The following COL19A1 variants were observed in gnomAD, a reference collection of about 807,000 sequenced individuals.
The protein encoded by COL19A1 is collagen type XIX alpha 1 chain.
A neutral mutation model predicts 190.2 loss-of-function variants in COL19A1; 159 were observed. The observed-to-expected ratio is 0.84, with a 90% CI of 0.73 to 0.95. The LOEUF (loss-of-function observed/expected upper bound fraction) is 0.95. COL19A1 is among the 40% of genes least tolerant of loss of function. The pLI is 0.00. For missense variants in COL19A1, 1,418 were observed against 1,431.9 expected, an observed-to-expected ratio of 0.99 and a Z score of 0.16; for synonymous variants, 509 against 458.9, an observed-to-expected ratio of 1.11 and a Z score of -1.39.
At chr6:70,059,831 A>G (rs1212385651) in intron 14 of COL19A1, 1 of 511,084 alleles carries the variant, frequency 2.0e-6, no homozygotes, top group African/African-American at 2.0e-5. Context: ...AATTTTAGAA[A>G]TAACTCAATT....
intron 18 of COL19A1, among the ~76,000 whole-genome samples, chr6:70,130,605 T>A (rs1482580421): frequency 6.6e-6 from 1 of 152,230 alleles, no homozygotes; most frequent in Non-Finnish European, 1.5e-5. Flanking sequence ...GGCAGCCCCC[T>A]GGCAGCAGTT....
intron 14 of COL19A1, among the ~76,000 whole-genome samples, chr6:70,059,104 T>C (rs1282130012): frequency 6.6e-6 from 1 of 152,064 alleles, no homozygotes; most frequent in African/African-American, 2.4e-5. Context: ...GAAAATCCCC[T>C]AGTAGTAGTT....
intron 4 of COL19A1, among the ~76,000 whole-genome samples, chr6:69,918,386 A>G (rs1771450936): frequency 6.6e-6 from 1 of 152,140 alleles, no homozygotes; most frequent in Non-Finnish European, 1.5e-5. Context: ...GCCAGAGTCA[A>G]GATCTGTTTT....
At chr6:69,927,507 G>C (rs1772476418) in intron 4 of COL19A1, among the ~76,000 whole-genome samples, 1 of 152,076 alleles carries the variant, frequency 6.6e-6, no homozygotes, top group South Asian at 2.1e-4. Flanking sequence ...ATATGAAAAA[G>C]TTTCTTTGGA....
At chr6:70,147,395 ACAGAG>A (rs1247607214) in intron 27 of COL19A1, among the ~76,000 whole-genome samples, 4 of 152,174 alleles carry the variant, frequency 2.6e-5, no homozygotes, top group African/African-American at 9.7e-5. Context: ...AACTATAAGG[ACAGAG>A]CCTAGAACAG....
Position 70,083,300 on chromosome 6 carries a change from A to T in COL19A1, c.1224+14824A>T, listed in dbSNP as rs561713358. ...GCCATAGGGAATCTTTATGTGCCTT[A>T]TACACACTTTAAATAAAGTGTACAG... On this transcript the variant is annotated intron_variant, in intron 15 of 50. Transcript: ENST00000620364. Among the ~76,000 whole-genome samples the T allele has an allele frequency of 9.8e-5, 15 of 152,336 alleles. No individual in the cohort carries two copies. The East Asian group carries it at 2.9e-3, about 29-fold the overall frequency.
At chr6:70,055,589 C>G (rs1466477886) in intron 14 of COL19A1, among the ~76,000 whole-genome samples, 2 of 151,812 alleles carry the variant, frequency 1.3e-5, no homozygotes, top group African/African-American at 4.8e-5. Context: ...CAGGACCAAC[C>G]TGGCCAACAT....
At chr6:69,870,089 A>G (rs1035811438) in intron 1 of COL19A1, among the ~76,000 whole-genome samples, 2 of 152,144 alleles carry the variant, frequency 1.3e-5, no homozygotes, top group Non-Finnish European at 2.9e-5. Context: ...CTTTATGCCC[A>G]TCATTCTACA....
intron 11 of COL19A1, among the ~76,000 whole-genome samples, chr6:69,996,483 G>T (rs955428787): frequency 3.9e-5 from 6 of 152,104 alleles, no homozygotes; most frequent in Admixed American, 1.3e-4. Flanking sequence ...AAGATGGTAA[G>T]CTACAGGTAT....
At chr6:70,183,038 G>A (rs773305145) in intron 44 of COL19A1, among the ~76,000 whole-genome samples, 6 of 152,102 alleles carry the variant, frequency 3.9e-5, no homozygotes, top group Admixed American at 6.5e-5. Flanking sequence ...GGTTGTCCAA[G>A]TGTGAGGAGT....
At chr6:70,154,421 G>A (rs562579235) in intron 31 of COL19A1, among the ~76,000 whole-genome samples, 12 of 152,062 alleles carry the variant, frequency 7.9e-5, no homozygotes, top group South Asian at 2.1e-4. Flanking sequence ...ATAAACATAC[G>A]TGTGCATGTG....
intron 14 of COL19A1, among the ~76,000 whole-genome samples, chr6:70,038,199 A>G (rs904686834): frequency 1.1e-4 from 17 of 152,244 alleles, no homozygotes; most frequent in Non-Finnish European, 2.2e-4. Context: ...ATTGGAGTCA[A>G]TAAACAGAGT....
At chr6:69,973,094 T>C (rs1582569202) in intron 11 of COL19A1, among the ~76,000 whole-genome samples, 1 of 152,352 alleles carries the variant, frequency 6.6e-6, no homozygotes, top group East Asian at 1.9e-4. Flanking sequence ...ATGTAATGAT[T>C]AAGGCAACTT....
At chr6:70,131,558 G>A (rs572052275) in intron 18 of COL19A1, among the ~76,000 whole-genome samples, 1 of 152,140 alleles carries the variant, frequency 6.6e-6, no homozygotes, top group Non-Finnish European at 1.5e-5. Flanking sequence ...AGATTTTATT[G>A]CTAGTACATT....
chr6:69,996,147 A>G (rs1420628759), intron 11 of COL19A1, among the ~76,000 whole-genome samples: 1 of 152,162 alleles, frequency 6.6e-6, no homozygotes. Flanking sequence ...TTACCTATAA[A>G]TTCTTCTTTA....
chr6:69,944,559 A>G (rs1274751495), intron 9 of COL19A1, among the ~76,000 whole-genome samples: 1 of 152,112 alleles, frequency 6.6e-6, no homozygotes, highest in East Asian at 1.9e-4. Flanking sequence ...CTTTTAAAAA[A>G]CAAAAATTCT....
Position 70,144,274 on chromosome 6 carries a change from C to A in COL19A1, c.1680+11C>A. 1 of 1,606,862 alleles carries A rather than the reference C, an allele frequency of 6.2e-7. No homozygotes were observed. The highest frequency in any genetic ancestry group is 8.5e-7 in the Non-Finnish European group (1 of 1,175,434). On this transcript the variant is annotated intron_variant, in intron 24 of 50. Transcript: ENST00000620364. The stretch of plus-strand genomic sequence containing the variant: ...ATTAAAGGAGAAAAGGTATAGTTTA[C>A]ATTTTCCTCATTTTATATGTTAAGT...
chr6:70,094,126 T>C (rs922424031), intron 15 of COL19A1, among the ~76,000 whole-genome samples: 1 of 152,198 alleles, frequency 6.6e-6, no homozygotes, highest in African/African-American at 2.4e-5. Context: ...AGAAATAAAA[T>C]GTACTTAACA....
intron 9 of COL19A1, among the ~76,000 whole-genome samples, chr6:69,941,061 TAAATTTTGTG>T (rs1268753447): frequency 1.3e-5 from 2 of 152,172 alleles, no homozygotes; most frequent in Admixed American, 1.3e-4. Flanking sequence ...TATTCAGTAG[TAAATTTTGTG>T]AAATGATCAG....
Sources: gnomAD v4.1 joint callset for allele counts (sites outside exome capture counted in the v4.1 genomes callset) on GRCh38, gnomAD v4.1.1 for gene constraint, MANE v1.5 for transcripts, NCBI Gene and HGNC (gene_info 2026-07-23, HGNC 2026-07-21) for gene names.